DLEU7: variants seen among roughly 807,000 people sequenced by gnomAD.
DLEU7 encodes deleted in lymphocytic leukemia 7.
Under a neutral mutation model 16.0 loss-of-function variants are expected in DLEU7, and 17 were observed. The observed-to-expected ratio is 1.06, with a 90% CI of 0.73 to 1.59. The LOEUF (loss-of-function observed/expected upper bound fraction) is 1.59, where lower values mean the gene tolerates loss of function less well. DLEU7 is among the 40% of genes most tolerant of loss of function. The pLI, the probability that DLEU7 is intolerant of heterozygous loss-of-function variation, is 0.00. For missense variants in DLEU7, 308 were observed against 314.9 expected (o/e 0.98, Z 0.17); for synonymous variants, 113 against 139.8 (o/e 0.81, Z 1.35).
At chr13:50,739,822 A>G (rs959544546) in intron 1 of DLEU7, among the ~76,000 whole-genome samples, 1 of 152,106 alleles carries the variant, frequency 6.6e-6, no homozygotes, top group Non-Finnish European at 1.5e-5. Context: ...GTCCAACCCT[A>G]CCTAGTCCCT....
At chr13:50,739,464 T>C (rs1220756031) in intron 1 of DLEU7, among the ~76,000 whole-genome samples, 1 of 152,144 alleles carries the variant, frequency 6.6e-6, no homozygotes, top group Non-Finnish European at 1.5e-5. Context: ...TGAATGGAGA[T>C]GAAGGCAAAT....
At chr13:50,750,028 G>A (rs1183790972) in intron 1 of DLEU7, among the ~76,000 whole-genome samples, 2 of 152,104 alleles carry the variant, frequency 1.3e-5, no homozygotes, top group African/African-American at 4.8e-5. Context: ...GTCTAAAAGG[G>A]TTTTTTCAGT....
At chr13:50,752,126 A>AT (rs1874587043) in intron 1 of DLEU7, among the ~76,000 whole-genome samples, 1 of 146,640 alleles carries the variant, frequency 6.8e-6, no homozygotes. Flanking sequence ...ATCTCGGCTC[A>AT]TTGCAAGCTC....
At chr13:50,792,984 T>C (rs545872101) in intron 1 of DLEU7, among the ~76,000 whole-genome samples, 5 of 152,208 alleles carry the variant, frequency 3.3e-5, no homozygotes, top group Admixed American at 2.6e-4. Flanking sequence ...AAGTACTGAA[T>C]ATAATACCCC....
chr13:50,792,741 A>G (rs1875996054), intron 1 of DLEU7, among the ~76,000 whole-genome samples: 1 of 133,768 alleles, frequency 7.5e-6, no homozygotes. Flanking sequence ...CTCAAATATC[A>G]CCTCCTCAGA....
intron 1 of DLEU7, among the ~76,000 whole-genome samples, chr13:50,715,821 C>G (rs982356339): frequency 5.3e-5 from 8 of 152,250 alleles, no homozygotes; most frequent in Non-Finnish European, 1.0e-4. Flanking sequence ...TGCCTTTCCT[C>G]CCTACTGCTG....
chr13:50,815,394 G>C (rs1460816731), intron 1 of DLEU7, among the ~76,000 whole-genome samples: 1 of 152,172 alleles, frequency 6.6e-6, no homozygotes, highest in Non-Finnish European at 1.5e-5. Context: ...AAGGAAATGA[G>C]AGGGAACAGC....
At chr13:50,814,462 A>G (rs1428736781) in intron 1 of DLEU7, among the ~76,000 whole-genome samples, 8 of 152,006 alleles carry the variant, frequency 5.3e-5, no homozygotes, top group Admixed American at 5.2e-4. Context: ...TGTTGTTTCA[A>G]CAACAAACTA....
At chr13:50,712,630 C>T (rs993096872) in exon 2 of DLEU7, 1 of 152,644 alleles carries the variant, frequency 6.6e-6, no homozygotes, top group Non-Finnish European at 1.5e-5. Flanking sequence ...GCTGAACTCG[C>T]ATGCTGGCTT....
At chr13:50,727,203 G>A (rs959117816) in intron 1 of DLEU7, among the ~76,000 whole-genome samples, 1 of 147,212 alleles carries the variant, frequency 6.8e-6, no homozygotes, top group Non-Finnish European at 1.5e-5. Context: ...AGTTCTGTAC[G>A]CTCTTGCATA....
intron 1 of DLEU7, among the ~76,000 whole-genome samples, chr13:50,800,998 G>T (rs534177222): frequency 3.2e-4 from 49 of 152,224 alleles, no homozygotes; most frequent in African/African-American, 1.1e-3. Context: ...AGCCAGCAGT[G>T]GGGCTGACTC....
chr13:50,747,703 C>T (rs1874442549), intron 1 of DLEU7, among the ~76,000 whole-genome samples: 1 of 152,068 alleles, frequency 6.6e-6, no homozygotes, highest in South Asian at 2.1e-4. Flanking sequence ...CATCCACACT[C>T]CCCCAGCCTA....
chr13:50,756,948 G>A (rs1417818798), intron 1 of DLEU7, among the ~76,000 whole-genome samples: 1 of 152,130 alleles, frequency 6.6e-6, no homozygotes, highest in Non-Finnish European at 1.5e-5. Context: ...CTGAGCTCCA[G>A]GTAAGGTTGG....
At chr13:50,820,606 A>T (rs141845903), downstream of DLEU7, among the ~76,000 whole-genome samples, 52 of 152,260 alleles carry the variant, frequency 3.4e-4, no homozygotes, top group African/African-American at 1.3e-3. Context: ...GTGCAATCAG[A>T]AGCAAGCTCA....
intron 1 of DLEU7, among the ~76,000 whole-genome samples, chr13:50,763,457 A>AGAAGAAAATGAACCATGCTT (rs1193118115): frequency 2.0e-5 from 3 of 152,176 alleles, no homozygotes; most frequent in Non-Finnish European, 4.4e-5. Flanking sequence ...TGCAGATGGA[A>AGAAGAAAATGAACCATGCTT]GAAGAAAATG....
At chr13:50,818,251 A>G (rs1305595642), downstream of DLEU7, among the ~76,000 whole-genome samples, 1 of 152,170 alleles carries the variant, frequency 6.6e-6, no homozygotes, top group Non-Finnish European at 1.5e-5. Context: ...GAAAAGCACT[A>G]CATGGGAAAA....
At chr13:50,722,309 T>A (rs528887295) in intron 1 of DLEU7, among the ~76,000 whole-genome samples, 90 of 152,382 alleles carry the variant, frequency 5.9e-4, no homozygotes, top group African/African-American at 2.1e-3. Flanking sequence ...TGGGTTCACC[T>A]GCTTTTCCAG....
At chr13:50,775,859 A>G (rs912477537) in intron 1 of DLEU7, among the ~76,000 whole-genome samples, 1 of 152,198 alleles carries the variant, frequency 6.6e-6, no homozygotes, top group East Asian at 1.9e-4. Flanking sequence ...TATAATTCTC[A>G]TCTGTTTTCC....
Position 50,843,660 on chromosome 13 carries a change from G to A in DLEU7, c.-14C>T, listed in dbSNP as rs779597039. 9.3e-6 allele frequency: 14 copies of A among 1,499,796 alleles called. 1 individual carries two copies. The highest frequency in any genetic ancestry group is 5.8e-5 in the African/African-American group (4 of 69,404). 92.9% of individuals were successfully genotyped at this position (1,499,796 alleles called of 1,614,324 possible). On this transcript the variant is annotated 5_prime_UTR_variant, in exon 1 of 2. Transcript: ENST00000504404. The surrounding 1 kb of genome is among the most constrained non-coding windows in gnomAD (Gnocchi z 5.7). ...AGGGCTGGCCATCGCCTCCGCTGGC[G>A]GCCCGGCGCGCTCCGCGTGCAGGTG...
Sources: gnomAD v4.1 joint callset for allele counts (sites outside exome capture counted in the v4.1 genomes callset) on GRCh38, gnomAD v4.1.1 for gene constraint, Gnocchi (gnomAD v3.1) non-coding constraint, MANE v1.5 for transcripts, NCBI Gene and HGNC (gene_info 2026-07-23, HGNC 2026-07-21) for gene names.